Variants in NTRK2 observed in about 807,000 individuals in gnomAD.
The protein encoded by NTRK2 is neurotrophic receptor tyrosine kinase 2, also known as BDNF/NT-3 growth factors receptor.
NTRK2 carries 13 observed loss-of-function variants against 94.5 expected under a neutral mutation model. The ratio of observed to expected loss-of-function variants is 0.14; its 90% CI spans 0.09 to 0.22. The LOEUF is 0.22. NTRK2 is among the 10% of genes least tolerant of loss of function. The pLI is 1.00. For missense variants in NTRK2, 639 were observed against 1,071.2 expected (o/e 0.60, Z 5.63); for synonymous variants, 372 against 407.4 (o/e 0.91, Z 1.05).
chr9:84,934,380 A>G (rs1013926019), intron 15 of NTRK2, 88 bp downstream of exon 15: 1 of 1,400,438 alleles, frequency 7.1e-7, no homozygotes, highest in Admixed American at 1.7e-5. Context: ...TTGGTGGCCA[A>G]TGCAGGAGTA....
chr9:84,879,844 A>G (rs2076201947), intron 14 of NTRK2, among the ~76,000 whole-genome samples: 2 of 152,136 alleles, frequency 1.3e-5, no homozygotes, highest in African/African-American at 4.8e-5. Context: ...CTGAAGGGTG[A>G]GGAGTGTCCA....
intron 14 of NTRK2, among the ~76,000 whole-genome samples, chr9:84,895,405 TCTC>T (rs1490394994): frequency 6.6e-6 from 1 of 152,136 alleles, no homozygotes; most frequent in Middle Eastern, 3.2e-3. Context: ...GCTCTTCTCT[TCTC>T]CTATACTTCA....
intron 16 of NTRK2, among the ~76,000 whole-genome samples, chr9:84,953,088 G>A (rs1253064958): frequency 6.6e-6 from 1 of 152,140 alleles, no homozygotes. Context: ...GGTCATAGTA[G>A]ATTTAAGGAA....
At chr9:84,878,255 GC>G (rs1381542221) in intron 14 of NTRK2, among the ~76,000 whole-genome samples, 2 of 152,208 alleles carry the variant, frequency 1.3e-5, no homozygotes, top group East Asian at 3.8e-4. Flanking sequence ...AATAAAGCCA[GC>G]ATAATCCCAG....
chr9:84,784,795 T>C (rs2067961992), intron 12 of NTRK2, among the ~76,000 whole-genome samples: 1 of 152,186 alleles, frequency 6.6e-6, no homozygotes, highest in African/African-American at 2.4e-5. Flanking sequence ...CCACATATGA[T>C]GACAAAAGTG....
chr9:85,011,773 A>G (rs1021815384), intron 17 of NTRK2, among the ~76,000 whole-genome samples: 2 of 152,150 alleles, frequency 1.3e-5, no homozygotes, highest in East Asian at 1.9e-4. Flanking sequence ...AGCTGAGTCC[A>G]TATCAGACTG....
chr9:84,870,337 A>ATG (rs1564411365), intron 14 of NTRK2, among the ~76,000 whole-genome samples: 14 of 72,180 alleles, frequency 1.9e-4, no homozygotes, highest in African/African-American at 8.6e-4. Flanking sequence ...GTGTGTATAT[A>ATG]TATATATATA....
chr9:85,026,362 T>A lies in NTRK2; in HGVS notation c.*4925T>A, dbSNP rs1833034227. 1 of 231,814 alleles carries A rather than the reference T, an allele frequency of 4.3e-6. No individual in the cohort carries two copies. The highest frequency in any genetic ancestry group is 2.2e-5 in the African/African-American group (1 of 45,258). The allele number at this position is 231,814 out of a possible 1,614,324, so 14.4% of individuals were successfully genotyped here. A position where few individuals can be genotyped will look rare whatever the true frequency, so the allele number is the denominator to read the frequency against. On this transcript the variant is annotated 3_prime_UTR_variant, in exon 19 of 19. Coordinates refer to ENST00000277120, the MANE Select transcript of NTRK2 (RefSeq NM_006180.6). ...AAAATGATCCTGAGTGGAGGTTAGC[T>A]GAACGTTCAATGTACTGGAGCAAGC...
chr9:84,938,191 T>C (rs939975913), intron 15 of NTRK2, among the ~76,000 whole-genome samples: 1 of 152,236 alleles, frequency 6.6e-6, no homozygotes, highest in African/African-American at 2.4e-5. Flanking sequence ...TTCGTTGGAA[T>C]CTGACTTAGG....
intron 4 of NTRK2, among the ~76,000 whole-genome samples, chr9:84,706,353 C>T (rs967279575): frequency 6.6e-6 from 1 of 151,934 alleles, no homozygotes; most frequent in Non-Finnish European, 1.5e-5. Flanking sequence ...TATCAACTGA[C>T]TAGCCTTAGT....
chr9:84,907,036 A>G (rs2077094058), intron 14 of NTRK2, among the ~76,000 whole-genome samples: 1 of 152,338 alleles, frequency 6.6e-6, no homozygotes, highest in East Asian at 1.9e-4. Context: ...AATTACAGTG[A>G]GGGTCACCGC....
chr9:84,794,410 A>G (rs1394994187), intron 12 of NTRK2, among the ~76,000 whole-genome samples: 1 of 152,202 alleles, frequency 6.6e-6, no homozygotes, highest in East Asian at 1.9e-4. Flanking sequence ...ATTAAAAGGC[A>G]GTTCAGATGA....
At chr9:84,896,383 TGA>T (rs1181149003) in intron 14 of NTRK2, among the ~76,000 whole-genome samples, 2 of 152,308 alleles carry the variant, frequency 1.3e-5, no homozygotes, top group Non-Finnish European at 2.9e-5. Flanking sequence ...CTCAGGAGCA[TGA>T]GGACAGCCTG....
chr9:84,782,065 C>T (rs1283652841), intron 12 of NTRK2, among the ~76,000 whole-genome samples: 1 of 150,058 alleles, frequency 6.7e-6, no homozygotes, highest in Non-Finnish European at 1.5e-5. Flanking sequence ...CACACACACA[C>T]ACAAACACAC....
chr9:84,675,969 G>A (rs746735075), intron 2 of NTRK2, among the ~76,000 whole-genome samples: 1 of 152,210 alleles, frequency 6.6e-6, no homozygotes, highest in Non-Finnish European at 1.5e-5. Flanking sequence ...ATGAGTGAAT[G>A]TGCTCAAAGT....
chr9:84,948,324 TTA>T lies in NTRK2; in HGVS notation c.1765-136_1765-135del, dbSNP rs2078667677. On this transcript the variant is annotated intron_variant, in intron 15 of 18. Coordinates refer to ENST00000277120, the MANE Select transcript of NTRK2 (RefSeq NM_006180.6). ...ATATGCCTAAGGAGTTATTCCTCAG[TTA>T]TTAGCACAAATGTTATTTCCTTAGG... 3.9e-5 allele frequency: 34 copies of T among 871,936 alleles called. No homozygotes were observed. The South Asian group carries it at 4.9e-4, about 13-fold the overall frequency. 54.0% of individuals were successfully genotyped at this position (871,936 alleles called of 1,614,324 possible). A position where few individuals can be genotyped will look rare whatever the true frequency, so the allele number is the denominator to read the frequency against.
intron 14 of NTRK2, among the ~76,000 whole-genome samples, chr9:84,881,022 C>T (rs569237560): frequency 6.6e-6 from 1 of 152,292 alleles, no homozygotes; most frequent in East Asian, 1.9e-4. Flanking sequence ...CAGAGCATGG[C>T]CAGCCCTTTG....
intron 15 of NTRK2, among the ~76,000 whole-genome samples, chr9:84,945,250 C>A (rs2078559086): frequency 6.6e-6 from 1 of 151,732 alleles, no homozygotes; most frequent in African/African-American, 2.4e-5. Context: ...TTCTTCCTCA[C>A]ATTCTTTTAT....
chr9:84,934,147 G>T lies in NTRK2; in HGVS notation c.1634-15G>T, dbSNP rs1472755018. The T allele has an allele frequency of 6.2e-7, 1 of 1,613,576 alleles. No individual in the cohort carries two copies. Among genetic ancestry groups the T allele is most frequent in the Non-Finnish European group, 8.5e-7 (1 of 1,179,728 alleles). ...ATGCTTCAATTCCAATTTCCATTCT[G>T]TCTTTGTTTTGCAGTTGTTCAGCAC... On this transcript the variant is annotated splice_polypyrimidine_tract_variant and intron_variant, in intron 14 of 18. Coordinates refer to ENST00000277120, the MANE Select transcript of NTRK2 (RefSeq NM_006180.6).
Sources: gnomAD v4.1 joint callset for allele counts (sites outside exome capture counted in the v4.1 genomes callset) on GRCh38, gnomAD v4.1.1 for gene constraint, MANE v1.5 for transcripts, NCBI Gene and HGNC (gene_info 2026-07-23, HGNC 2026-07-21) for gene names.